The following ITSN2 variants were observed in gnomAD, a reference collection of about 807,000 sequenced individuals.
ITSN2 encodes the protein intersectin-2.
In ITSN2, 156 loss-of-function variants were observed where a neutral mutation model predicts 243.7. That is an observed-to-expected ratio of 0.64 (90% CI 0.56 to 0.73). The LOEUF is 0.73. Among genes scored for constraint, ITSN2 ranks in the 30% least tolerant of loss-of-function variants. The pLI is 0.00. For missense variants in ITSN2, 1,801 were observed against 1,996.1 expected, an observed-to-expected ratio of 0.90 and a Z score of 1.86; for synonymous variants, 703 against 699.9, an observed-to-expected ratio of 1.00 and a Z score of -0.07.
intron 2 of ITSN2, among the ~76,000 whole-genome samples, chr2:24,327,089 C>A (rs1196382132): frequency 1.3e-5 from 2 of 151,604 alleles, no homozygotes; most frequent in African/African-American, 4.8e-5. Flanking sequence ...TACAATTTAA[C>A]ATAAAATTAA....
chr2:24,206,202 A>C, intron 37 of ITSN2: 1 of 391,874 alleles, frequency 2.6e-6, no homozygotes. Context: ...TTAAAGTACC[A>C]TTAAAATAAC....
At chr2:24,209,508 C>G (rs186979886) in intron 35 of ITSN2, among the ~76,000 whole-genome samples, 1 of 152,328 alleles carries the variant, frequency 6.6e-6, no homozygotes, top group Non-Finnish European at 1.5e-5. Context: ...CTGCTAGCAA[C>G]GCTGGTGCTG....
chr2:24,268,484 A>C (rs923061993), intron 20 of ITSN2, among the ~76,000 whole-genome samples: 1 of 152,188 alleles, frequency 6.6e-6, no homozygotes, highest in Non-Finnish European at 1.5e-5. Flanking sequence ...TCTATTAGTC[A>C]GAACAGGGAG....
intron 2 of ITSN2, among the ~76,000 whole-genome samples, chr2:24,320,861 G>A (rs1227139058): frequency 1.3e-5 from 2 of 152,134 alleles, no homozygotes; most frequent in African/African-American, 4.8e-5. Context: ...TGAGAACACT[G>A]CAAGCTGAGA....
intron 1 of ITSN2, among the ~76,000 whole-genome samples, chr2:24,331,890 G>A (rs1490227586): frequency 6.6e-6 from 1 of 152,226 alleles, no homozygotes; most frequent in Non-Finnish European, 1.5e-5. Context: ...AACTTTCCCT[G>A]TTCACAGCAT....
chr2:24,246,052 C>A lies in ITSN2; in HGVS notation c.3577+77G>T. ...GTGAGTGCTGAGTTTAAGATCTAAT[C>A]CAGAAAAGGAATAAATGCAGTGCTG... is the stretch of plus-strand genomic sequence containing the variant. On this transcript the variant is annotated intron_variant, in intron 29 of 39. Coordinates refer to ENST00000355123, the MANE Select transcript of ITSN2 (RefSeq NM_006277.3). 2 of 930,478 alleles carry A rather than the reference C, an allele frequency of 2.1e-6. 1 individual carries two copies. Among genetic ancestry groups the A allele is most frequent in the South Asian group, 3.9e-5 (2 of 51,822 alleles). The allele number at this position is 930,478 out of a possible 1,614,324, so 57.6% of individuals were successfully genotyped here. A position where few individuals can be genotyped will look rare whatever the true frequency, so the allele number is the denominator to read the frequency against.
Position 24,301,176 on chromosome 2 carries a change from CTCT to C in ITSN2, c.1056_1058del (p.Glu354del), listed in dbSNP as rs1681678625. 1.9e-6 allele frequency: 3 copies of C among 1,606,030 alleles called. No individual in the cohort carries two copies. Among genetic ancestry groups the C allele is most frequent in the East Asian group, 2.2e-5 (1 of 44,730 alleles). On this transcript the variant is annotated inframe_deletion, in exon 11 of 40. Transcript: ENST00000355123. ...TACCTGGTAATTTCTTCTGAGGCTCCTCTTCTTGCATTTTCTGATATGAAGGCA... is the reference window on the plus strand; with the variant it reads ...TACCTGGTAATTTCTTCTGAGGCTCCTCTTGCATTTTCTGATATGAAGGCA...
chr2:24,352,222 T>C (rs996311158), intron 1 of ITSN2, among the ~76,000 whole-genome samples: 1 of 152,214 alleles, frequency 6.6e-6, no homozygotes, highest in African/African-American at 2.4e-5. Flanking sequence ...CGTACCTAAA[T>C]GCCAGGTTAT....
intron 1 of ITSN2, among the ~76,000 whole-genome samples, chr2:24,353,154 T>G (rs1003264249): frequency 3.0e-4 from 45 of 152,056 alleles, no homozygotes; most frequent in Non-Finnish European, 1.2e-4. Context: ...TGGGGAAAAA[T>G]CACAACACAT....
At chr2:24,218,094 C>T in intron 30 of ITSN2, 81 bp from the exon 31 acceptor site, 2 of 866,070 alleles carry the variant, frequency 2.3e-6, no homozygotes, top group East Asian at 4.9e-5. Context: ...ACAATGTCTT[C>T]ATAAACTGAA....
intron 1 of ITSN2, among the ~76,000 whole-genome samples, chr2:24,330,089 T>C (rs1373529026): frequency 6.6e-6 from 1 of 152,214 alleles, no homozygotes; most frequent in Non-Finnish European, 1.5e-5. Context: ...AAACCCACTA[T>C]TGCAAATAAT....
At chr2:24,317,985 G>A (rs1352035038) in intron 2 of ITSN2, among the ~76,000 whole-genome samples, 3 of 152,066 alleles carry the variant, frequency 2.0e-5, no homozygotes, top group Non-Finnish European at 4.4e-5. Flanking sequence ...TTAGGTTCAC[G>A]GCAAGATTGA....
At position 24,204,139 on chromosome 2, in the gene ITSN2, C is replaced by A; in HGVS notation, c.4936+106G>T. The stretch of plus-strand genomic sequence containing the variant: ...GAGATGACACAGGCCTGTGTCACTT[C>A]CCTGAAGTGGCATGGGGTCTGCACA... On this transcript the variant is annotated intron_variant, in intron 39 of 39. Transcript: ENST00000355123. The surrounding 1 kb of genome is among the most constrained non-coding windows in gnomAD (Gnocchi z 5.1). The A allele has an allele frequency of 8.8e-7, 1 of 1,139,450 alleles. No homozygotes were observed. The allele number at this position is 1,139,450 out of a possible 1,614,324, so 70.6% of individuals were successfully genotyped here. A position where few individuals can be genotyped will look rare whatever the true frequency, so the allele number is the denominator to read the frequency against.
chr2:24,315,704 TGTGATAATGA>T (rs1343354510), intron 2 of ITSN2, among the ~76,000 whole-genome samples: 14 of 152,152 alleles, frequency 9.2e-5, no homozygotes, highest in African/African-American at 3.4e-4. Context: ...TTGTTGTTTT[TGTGATAATGA>T]GTGAGTTCCT....
At chr2:24,343,763 T>G (rs920225384) in intron 1 of ITSN2, among the ~76,000 whole-genome samples, 16 of 152,186 alleles carry the variant, frequency 1.1e-4, no homozygotes, top group African/African-American at 3.9e-4. Flanking sequence ...CTGACTTAAT[T>G]CAAAAGACAT....
intron 17 of ITSN2, 125 bp from the exon 18 acceptor site, chr2:24,275,974 T>A: frequency 1.6e-6 from 1 of 622,860 alleles, no homozygotes; most frequent in Non-Finnish European, 2.5e-6. Context: ...TTAAAATATT[T>A]AAAGTTTTAA....
At position 24,251,309 on chromosome 2, in the gene ITSN2, C is replaced by CAAAAAAAAAAAAAA. The variant is rs1553355845; in HGVS notation, c.3120+1022_3120+1035dup. 1.4e-4 allele frequency among the ~76,000 whole-genome samples: 3 copies of CAAAAAAAAAAAAAA among 22,012 alleles called. 1 individual carries two copies. The highest frequency in any genetic ancestry group is 2.9e-4 in the African/African-American group (1 of 3,480). The allele number at this position is 22,012 out of a possible 152,430, so 14.4% of individuals were successfully genotyped here. On this transcript the variant is annotated intron_variant, in intron 25 of 39. Coordinates refer to ENST00000355123, the MANE Select transcript of ITSN2 (RefSeq NM_006277.3). ...TGGGCAACAGAACTAAACTCCATCT[C>CAAAAAAAAAAAAAA]AAAAAAAAAAAAAAATAAAATATAT...
chr2:24,226,278 G>A (rs1220045463), intron 29 of ITSN2, among the ~76,000 whole-genome samples: 2 of 152,208 alleles, frequency 1.3e-5, no homozygotes, highest in African/African-American at 2.4e-5. Context: ...AATCCTGCAG[G>A]CTGTTTTTTC....
At chr2:24,318,490 C>T (rs1684186381) in intron 2 of ITSN2, among the ~76,000 whole-genome samples, 2 of 152,178 alleles carry the variant, frequency 1.3e-5, no homozygotes, top group Admixed American at 1.3e-4. Flanking sequence ...TTCAACAATG[C>T]ACTGACAGCC....
Sources: gnomAD v4.1 joint callset for allele counts (sites outside exome capture counted in the v4.1 genomes callset) on GRCh38, gnomAD v4.1.1 for gene constraint, Gnocchi (gnomAD v3.1) non-coding constraint, MANE v1.5 for transcripts, NCBI Gene and HGNC (gene_info 2026-07-23, HGNC 2026-07-21) for gene names.